Variants in CRY1 observed in about 807,000 individuals in gnomAD.
CRY1 encodes the protein cryptochrome circadian regulator 1, also known as cryptochrome-1.
CRY1 carries 45 observed loss-of-function variants against 76.0 expected under a neutral mutation model. The ratio of observed to expected loss-of-function variants is 0.59; its 90% CI spans 0.47 to 0.76. The LOEUF (loss-of-function observed/expected upper bound fraction) is 0.76, where lower values mean the gene tolerates loss of function less well. Among genes scored for constraint, CRY1 ranks in the 30% least tolerant of loss-of-function variants. The pLI is 0.00. For missense variants in CRY1, 587 were observed against 716.4 expected, an observed-to-expected ratio of 0.82 and a Z score of 2.06; for synonymous variants, 248 against 244.0, an observed-to-expected ratio of 1.02 and a Z score of -0.15.
At chr12:106,997,430 A>T in intron 9 of CRY1, 44 bp from the exon 10 acceptor site, 1 of 1,612,266 alleles carries the variant, frequency 6.2e-7, no homozygotes, top group Non-Finnish European at 8.5e-7. Context: ...ATCAAGATAA[A>T]ATTCAAAGAT....
chr12:107,010,468 C>T (rs553446968), intron 2 of CRY1, among the ~76,000 whole-genome samples: 33 of 152,168 alleles, frequency 2.2e-4, no homozygotes, highest in Non-Finnish European at 3.5e-4. Flanking sequence ...CAAAGGCTAA[C>T]GGCAACCCTG....
At chr12:107,018,930 A>C (rs1952524702) in intron 2 of CRY1, among the ~76,000 whole-genome samples, 1 of 152,242 alleles carries the variant, frequency 6.6e-6, no homozygotes, top group Non-Finnish European at 1.5e-5. Context: ...AGAAAGATAC[A>C]TACTAGGGGA....
chr12:107,092,133 G>A, intron 1 of CRY1, among the ~76,000 whole-genome samples: 1 of 152,064 alleles, frequency 6.6e-6, no homozygotes, highest in East Asian at 1.9e-4. Flanking sequence ...TCCACCAGGG[G>A]GCCTAACAAT....
chr12:107,041,003 A>G (rs1952792799), intron 1 of CRY1, among the ~76,000 whole-genome samples: 1 of 151,914 alleles, frequency 6.6e-6, no homozygotes, highest in South Asian at 2.1e-4. Flanking sequence ...TCCTGCCTCA[A>G]CCTCCCAAGT....
intron 1 of CRY1, among the ~76,000 whole-genome samples, chr12:107,051,620 A>G (rs1180220471): frequency 3.3e-5 from 5 of 152,200 alleles, no homozygotes; most frequent in African/African-American, 7.2e-5. Flanking sequence ...GAAGGTCCAT[A>G]AAGTTTCACG....
intron 1 of CRY1, among the ~76,000 whole-genome samples, chr12:107,037,225 C>A (rs555425701): frequency 5.1e-4 from 78 of 152,070 alleles, no homozygotes; most frequent in African/African-American, 1.9e-3. Context: ...AAAAAATAGG[C>A]CAATATGCTT....
intron 1 of CRY1, among the ~76,000 whole-genome samples, chr12:107,090,158 C>T (rs974948097): frequency 5.9e-5 from 9 of 151,420 alleles, no homozygotes; most frequent in African/African-American, 1.9e-4. Flanking sequence ...GGCACGATCT[C>T]GCCTCACTGC....
intron 12 of CRY1, 104 bp from the exon 13 acceptor site, chr12:106,992,105 T>C (rs747816896): frequency 6.6e-6 from 1 of 152,278 alleles, no homozygotes; most frequent in Non-Finnish European, 1.5e-5. Context: ...AAGATACTTA[T>C]AGTCTAATTA....
Position 107,069,033 on chromosome 12 carries a change from A to G in CRY1, c.158+23771T>C, listed in dbSNP as rs143922223. Among the ~76,000 whole-genome samples the G allele has an allele frequency of 3.9e-3, 601 of 152,274 alleles. 5 individuals carry two copies. Among genetic ancestry groups the G allele is most frequent in the African/African-American group, 0.014 (564 of 41,552 alleles). On this transcript the variant is annotated intron_variant, in intron 1 of 12. Coordinates refer to ENST00000008527, the MANE Select transcript of CRY1 (RefSeq NM_004075.5). ...ATAGTGCTGCTATGGACATTCATGT[A>G]TAAGTTTTTGTTAGAATGCCTGCTT...
In CRY1 at chr12:107,092,789, G is replaced by A; in HGVS notation, c.158+15C>T. 6.2e-7 allele frequency: 1 copy of A among 1,611,044 alleles called. No homozygotes were observed. ...TTAAACACCCAAATCCATTTCCCACGGGCTTGTGACTCACCGCCACCTGTT... is the reference window on the plus strand; with the variant it reads ...TTAAACACCCAAATCCATTTCCCACAGGCTTGTGACTCACCGCCACCTGTT... On this transcript the variant is annotated intron_variant, in intron 1 of 12. Coordinates refer to ENST00000008527, the MANE Select transcript of CRY1 (RefSeq NM_004075.5).
intron 12 of CRY1, chr12:106,992,560 T>C (rs1482072647): frequency 2.6e-6 from 1 of 379,204 alleles, no homozygotes; most frequent in Non-Finnish European, 4.8e-6. Flanking sequence ...CATCTCTAAT[T>C]TAAAGAGCAT....
At chr12:107,026,101 A>G (rs1245974652) in intron 1 of CRY1, among the ~76,000 whole-genome samples, 2 of 60,208 alleles carry the variant, frequency 3.3e-5, no homozygotes, top group African/African-American at 8.4e-5. Context: ...TATATATAAC[A>G]TATATATAAA....
intron 3 of CRY1, among the ~76,000 whole-genome samples, chr12:107,004,690 T>C (rs1315483813): frequency 3.3e-5 from 5 of 152,152 alleles, no homozygotes; most frequent in East Asian, 3.8e-4. Flanking sequence ...ATAATAGATA[T>C]ACATGAAATA....
chr12:107,093,115 C>A lies in CRY1; in HGVS notation c.-154G>T, dbSNP rs552551319. On this transcript the variant is annotated 5_prime_UTR_variant, in exon 1 of 13. Coordinates refer to ENST00000008527, the MANE Select transcript of CRY1 (RefSeq NM_004075.5). ...GGAAAAAATGACTCCGAGGAGGGGA[C>A]CGGAGAAGGCGGGGGCGCCGGAGGC... The A allele has an allele frequency of 4.4e-6, 4 of 907,240 alleles. No individual in the cohort carries two copies. In the East Asian group the frequency reaches 1.2e-4, roughly 26 times the overall value. The allele number at this position is 907,240 out of a possible 1,614,324, so 56.2% of individuals were successfully genotyped here.
At chr12:107,002,185 C>A (rs1052027869) in intron 3 of CRY1, among the ~76,000 whole-genome samples, 1 of 151,904 alleles carries the variant, frequency 6.6e-6, no homozygotes, top group Admixed American at 6.6e-5. Flanking sequence ...ATATACTACA[C>A]AAATATTAAA....
intron 2 of CRY1, among the ~76,000 whole-genome samples, chr12:107,019,845 G>A (rs185900189): frequency 3.3e-5 from 5 of 152,110 alleles, no homozygotes; most frequent in African/African-American, 1.2e-4. Context: ...CTTGAGCCTA[G>A]GAGTTTGAGG....
At chr12:107,034,297 G>T (rs967155132) in intron 1 of CRY1, among the ~76,000 whole-genome samples, 2 of 151,906 alleles carry the variant, frequency 1.3e-5, no homozygotes, top group African/African-American at 4.8e-5. Flanking sequence ...TACCCTATAT[G>T]GTCTAAAAAG....
chr12:106,997,361 ATTAGAAGGT>A lies in CRY1; in HGVS notation c.1509_1517del (p.Ser505_Pro507del). The A allele has an allele frequency of 6.2e-7, 1 of 1,614,026 alleles. No homozygotes were observed. The highest frequency in any genetic ancestry group is 8.5e-7 in the Non-Finnish European group (1 of 1,179,960). ...CCATGAAGCCTCCATTCCCATTAGGATTAGAAGGTACTGATGCCAGAAGACCTAAAGGAC... is the reference window on the plus strand; with the variant it reads ...CCATGAAGCCTCCATTCCCATTAGGAACTGATGCCAGAAGACCTAAAGGAC... On this transcript the variant is annotated inframe_deletion, in exon 10 of 13. Coordinates refer to ENST00000008527, the MANE Select transcript of CRY1 (RefSeq NM_004075.5).
At chr12:107,032,815 T>C (rs899194582) in intron 1 of CRY1, among the ~76,000 whole-genome samples, 1 of 152,210 alleles carries the variant, frequency 6.6e-6, no homozygotes, top group Non-Finnish European at 1.5e-5. Context: ...TTTAAATTGG[T>C]ATCATTTATA....
Sources: gnomAD v4.1 joint callset for allele counts (sites outside exome capture counted in the v4.1 genomes callset) on GRCh38, gnomAD v4.1.1 for gene constraint, MANE v1.5 for transcripts, NCBI Gene and HGNC (gene_info 2026-07-23, HGNC 2026-07-21) for gene names.